The following RARB variants were observed in gnomAD, a reference collection of about 807,000 sequenced individuals.
RARB encodes HBV-activated protein.
RARB carries 17 observed loss-of-function variants against 51.9 expected under a neutral mutation model. That is an observed-to-expected ratio of 0.33 (90% confidence interval 0.22 to 0.49). The LOEUF (loss-of-function observed/expected upper bound fraction) is 0.49, where lower values mean the gene tolerates loss of function less well. Among genes scored for constraint, RARB ranks in the 20% least tolerant of loss-of-function variants. The pLI is 0.99. For missense variants in RARB, 369 were observed against 550.8 expected, an observed-to-expected ratio of 0.67 and a Z score of 3.30; for synonymous variants, 215 against 195.4, an observed-to-expected ratio of 1.10 and a Z score of -0.84.
chr3:24,990,054 C>T (rs1216145444), intron 2 of RARB, among the ~76,000 whole-genome samples: 1 of 104,498 alleles, frequency 9.6e-6, no homozygotes, highest in East Asian at 3.1e-4. Context: ...CCGCCTCGGC[C>T]TCCCAAAGTC....
intron 5 of RARB, among the ~76,000 whole-genome samples, chr3:25,421,406 T>TC (rs1707858943): frequency 7.7e-6 from 1 of 129,798 alleles, no homozygotes; most frequent in Non-Finnish European, 1.6e-5. Context: ...TTCTTTTCTT[T>TC]TTTTTTTTTT....
chr3:25,500,454 G>GTTTTTTTTTTTTTTTTTTTTGTTT (rs1697245309), intron 2 of RARB, among the ~76,000 whole-genome samples: 2 of 66,144 alleles, frequency 3.0e-5, no homozygotes, highest in African/African-American at 1.1e-4. Context: ...TTCTTTTCTT[G>GTTTTTTTTTTTTTTTTTTTTGTTT]TTTTTTTTTT....
intron 5 of RARB, among the ~76,000 whole-genome samples, chr3:25,205,761 G>A (rs1002316941): frequency 2.1e-5 from 3 of 144,572 alleles, no homozygotes; most frequent in Non-Finnish European, 4.5e-5. Context: ...TTTTTTTCTT[G>A]AGACGGGGTC....
chr3:25,456,678 T>G (rs867680706), intron 1 of RARB, among the ~76,000 whole-genome samples: 2,193 of 110,070 alleles, frequency 0.02, 18 homozygotes, highest in Middle Eastern at 0.036. Context: ...TATATATATA[T>G]ATATAGAGAG....
chr3:25,077,787 A>G (rs1439896279), intron 3 of RARB, among the ~76,000 whole-genome samples: 1 of 152,094 alleles, frequency 6.6e-6, no homozygotes, highest in Non-Finnish European at 1.5e-5. Flanking sequence ...GAGTGGTTTT[A>G]CCATTTTACA....
intron 5 of RARB, among the ~76,000 whole-genome samples, chr3:25,420,990 C>CAAAAAAAAAA (rs376170107): frequency 1.6e-5 from 1 of 62,436 alleles, no homozygotes; most frequent in Admixed American, 1.6e-4. Flanking sequence ...ACCACTTATG[C>CAAAAAAAAAA]CAAAAAAAAA....
intron 3 of RARB, among the ~76,000 whole-genome samples, chr3:25,529,175 A>G (rs1698788505): frequency 6.6e-6 from 1 of 152,050 alleles, no homozygotes; most frequent in Non-Finnish European, 1.5e-5. Flanking sequence ...AGAGGCATAT[A>G]CCTAGTGACC....
intron 5 of RARB, among the ~76,000 whole-genome samples, chr3:25,222,878 C>T (rs1375191102): frequency 6.6e-6 from 1 of 151,992 alleles, no homozygotes; most frequent in Non-Finnish European, 1.5e-5. Context: ...GCAAAGCTAA[C>T]GAAATTCAAG....
chr3:25,326,290 C>T (rs1405442125), intron 5 of RARB, among the ~76,000 whole-genome samples: 1 of 152,040 alleles, frequency 6.6e-6, no homozygotes, highest in East Asian at 1.9e-4. Flanking sequence ...AACAGTAGAA[C>T]AAAGAGAAAG....
intron 3 of RARB, among the ~76,000 whole-genome samples, chr3:25,528,528 TGGA>T (rs1212262530): frequency 6.6e-6 from 1 of 151,994 alleles, no homozygotes; most frequent in Non-Finnish European, 1.5e-5. Context: ...TAGTGTCCTC[TGGA>T]GGAGGAGTAG....
At position 25,415,380 on chromosome 3, in the gene RARB, G is replaced by A. The variant is rs1707674531; in HGVS notation, c.179-45813G>A. 3.3e-5 allele frequency among the ~76,000 whole-genome samples: 5 copies of A among 152,004 alleles called. No homozygotes were observed. In the South Asian group the frequency reaches 8.3e-4, roughly 25 times the overall value. ...TGAGTGAATTTTTGCATATGCTGTG[G>A]GTTATGGATCTTTTATTTTTGTTGT... On this transcript the variant is annotated intron_variant, in intron 5 of 11. Transcript: ENST00000383772.
chr3:25,058,429 A>G (rs536046928), intron 2 of RARB, among the ~76,000 whole-genome samples: 4 of 151,968 alleles, frequency 2.6e-5, no homozygotes, highest in South Asian at 2.1e-4. Context: ...TAAAACTTAC[A>G]CAGTTCTGTC....
At chr3:25,000,313 A>C (rs1697132584) in intron 2 of RARB, among the ~76,000 whole-genome samples, 1 of 152,082 alleles carries the variant, frequency 6.6e-6, no homozygotes, top group Non-Finnish European at 1.5e-5. Context: ...AGACCTTGCA[A>C]ATTCAAGGGA....
At chr3:25,382,652 T>C (rs1347499569) in intron 5 of RARB, among the ~76,000 whole-genome samples, 1 of 152,124 alleles carries the variant, frequency 6.6e-6, no homozygotes, top group Admixed American at 6.5e-5. Context: ...GGTCAGGAGT[T>C]CAAGACCAGC....
chr3:25,473,796 T>C (rs924203531), intron 2 of RARB, among the ~76,000 whole-genome samples: 3 of 151,942 alleles, frequency 2.0e-5, no homozygotes, highest in South Asian at 4.1e-4. Context: ...CAGGGCTTCA[T>C]GTAATGTTTC....
At chr3:24,981,176 T>TC (rs1300952144) in intron 2 of RARB, among the ~76,000 whole-genome samples, 2 of 152,262 alleles carry the variant, frequency 1.3e-5, no homozygotes, top group East Asian at 3.9e-4. Flanking sequence ...GTATGAGGTG[T>TC]CCGTCAGCCC....
intron 5 of RARB, among the ~76,000 whole-genome samples, chr3:25,416,710 C>T (rs145688831): frequency 1.0e-3 from 158 of 152,304 alleles, no homozygotes; most frequent in African/African-American, 3.4e-3. Flanking sequence ...TATTTTACAA[C>T]AAGTGGTAGG....
chr3:25,081,844 G>A (rs1259175438), intron 3 of RARB, among the ~76,000 whole-genome samples: 1 of 150,892 alleles, frequency 6.6e-6, no homozygotes, highest in Non-Finnish European at 1.5e-5. Context: ...TGTTGGCCAG[G>A]CTGGTCTCGA....
chr3:25,154,537 A>T (rs1054181080), intron 4 of RARB, among the ~76,000 whole-genome samples: 1 of 152,102 alleles, frequency 6.6e-6, no homozygotes, highest in African/African-American at 2.4e-5. Context: ...CTACCAATCC[A>T]TTTTCCACAC....
Sources: allele counts gnomAD v4.1 joint callset (sites outside exome capture counted in the v4.1 genomes callset), GRCh38; gene constraint gnomAD v4.1.1; transcripts MANE v1.5; gene names NCBI Gene and HGNC (gene_info 2026-07-23, HGNC 2026-07-21).